HEATR5A: variants seen among roughly 807,000 people sequenced by gnomAD.
HEATR5A encodes HEAT repeat containing 5A.
HEATR5A carries 178 observed loss-of-function variants against 218.8 expected under a neutral mutation model. The observed-to-expected ratio is 0.81, with a 90% CI of 0.72 to 0.92. HEATR5A has a LOEUF of 0.92. HEATR5A is among the 40% of genes least tolerant of loss of function. The pLI, the probability that HEATR5A is intolerant of heterozygous loss-of-function variation, is 0.00. For missense variants in HEATR5A, 2,420 were observed against 2,418.9 expected (o/e 1.00, Z -0.01); for synonymous variants, 864 against 871.6 (o/e 0.99, Z 0.15).
chr14:31,323,657 C>T lies in HEATR5A; in HGVS notation c.3695G>A (p.Cys1232Tyr), dbSNP rs1299402805. Residue 1232 changes from cysteine to tyrosine, a missense_variant, in exon 24 of 36, where the codon TGT becomes TAT. Cys to Tyr is a radical substitution (Grantham distance 194). Coordinates refer to ENST00000543095, the MANE Select transcript of HEATR5A (RefSeq NM_015473.4). The part of the protein sequence containing the change: ...RWATRVFAAE[C>Y]VCRIINQCEN... ...ACATTGGTTAATTATCCTACAGACA[C>T]ATTCAGCAGCAAAGACTCTAGTAGC... is the stretch of plus-strand genomic sequence containing the variant. The T allele has an allele frequency of 1.3e-5, 21 of 1,613,342 alleles. No homozygotes were observed. Among genetic ancestry groups the T allele is most frequent in the Non-Finnish European group, 1.7e-5 (20 of 1,179,568 alleles).
chr14:31,306,485 C>CTAAATAAA (rs552825546), intron 31 of HEATR5A, among the ~76,000 whole-genome samples: 32 of 151,434 alleles, frequency 2.1e-4, no homozygotes, highest in African/African-American at 6.6e-4. Context: ...CCTTGTCTCA[C>CTAAATAAA]TAAATAAATA....
chr14:31,318,559 C>T (rs1233864442), intron 25 of HEATR5A, among the ~76,000 whole-genome samples: 4 of 152,270 alleles, frequency 2.6e-5, no homozygotes, highest in South Asian at 4.1e-4. Flanking sequence ...GGCGCAATCT[C>T]GGCTCACTAC....
intron 25 of HEATR5A, chr14:31,320,575 A>AC: frequency 1.2e-6 from 1 of 811,078 alleles, no homozygotes; most frequent in East Asian, 2.6e-5. Context: ...GCCTGATTAG[A>AC]CCCCTGGTAC....
chr14:31,312,462 G>C (rs1899788245), intron 28 of HEATR5A, among the ~76,000 whole-genome samples: 1 of 150,840 alleles, frequency 6.6e-6, no homozygotes, highest in Non-Finnish European at 1.5e-5. Flanking sequence ...ACCTAGGCTG[G>C]AGTGCAGTGG....
chr14:31,387,242 C>T lies in HEATR5A; in HGVS notation c.1067G>A (p.Cys356Tyr), dbSNP rs748191383. ...KATQTQIDAV[C>Y]CRRCVSFILR... ...AATAAATGAAACACAACGGCGACAG[C>T]AGACGGCATCGATCTGAGTTTGGGT... Residue 356 changes from cysteine to tyrosine, a missense_variant, in exon 8 of 36, where the codon TGC becomes TAC. Transcript: ENST00000543095. 3 of 1,613,924 alleles carry T rather than the reference C, an allele frequency of 1.9e-6. No homozygotes were observed. The highest frequency in any genetic ancestry group is 2.2e-5 in the East Asian group (1 of 44,878).
At chr14:31,384,246 C>T (rs2030113055) in intron 9 of HEATR5A, among the ~76,000 whole-genome samples, 1 of 152,004 alleles carries the variant, frequency 6.6e-6, no homozygotes, top group Admixed American at 6.6e-5. Flanking sequence ...AGTTTGAGAC[C>T]AGTCTGGGCA....
Position 31,349,910 on chromosome 14 carries a change from C to T in HEATR5A, c.2587G>A (p.Gly863Arg), listed in dbSNP as rs369224778. ...AAGGGGTTGGGGCTTTCTAGGGCTC[C>T]CATAACTAATGTTAAGGCAAATCTT... The part of the protein sequence containing the change: ...MKRFALTLVM[G>R]ALESPNPLLR... Residue 863 changes from glycine to arginine, a missense_variant, in exon 18 of 36, where the codon GGA becomes AGA. Physicochemically the swap from Gly to Arg is moderately radical, Grantham distance 125. Transcript: ENST00000543095. The T allele has an allele frequency of 1.9e-6, 3 of 1,611,462 alleles. No individual in the cohort carries two copies. The East Asian group carries it at 6.7e-5, about 36-fold the overall frequency.
chr14:31,320,392 A>G, intron 25 of HEATR5A: 1 of 1,043,908 alleles, frequency 9.6e-7, no homozygotes, highest in Non-Finnish European at 1.5e-6. Context: ...CAGCCCCTGA[A>G]TCAGCCACAC....
In HEATR5A at chr14:31,359,034, C is replaced by G; in HGVS notation, c.2095G>C (p.Glu699Gln). 1 of 1,590,978 alleles carries G rather than the reference C, an allele frequency of 6.3e-7. No homozygotes were observed. Among genetic ancestry groups the G allele is most frequent in the African/African-American group, 1.4e-5 (1 of 73,412 alleles). The change falls in exon 15 of 36, where the codon GAG becomes CAG. Residue 699 changes from glutamate to glutamine, a missense_variant. By Grantham distance (29) the Glu-to-Gln change is conservative. Transcript: ENST00000543095. The part of the protein sequence containing the change: ...YEGNLCAILR[E>Q]LAADLTAPDI... ...GGGGCAGTCAAGTCAGCAGCCAGCT[C>G]TCTGAGGATAGCACAGAGGTTTCCT...
chr14:31,310,967 G>A (rs554777492), intron 28 of HEATR5A, among the ~76,000 whole-genome samples: 1 of 152,036 alleles, frequency 6.6e-6, no homozygotes, highest in East Asian at 1.9e-4. Context: ...TTGCTCCTGT[G>A]AACAGTCATT....
chr14:31,418,809 T>A (rs2031542170), intron 1 of HEATR5A, among the ~76,000 whole-genome samples: 1 of 152,200 alleles, frequency 6.6e-6, no homozygotes, highest in African/African-American at 2.4e-5. Context: ...TTTTAGAATT[T>A]AAAAAATTCA....
chr14:31,358,058 G>T (rs1407526066), intron 16 of HEATR5A, among the ~76,000 whole-genome samples: 1 of 152,162 alleles, frequency 6.6e-6, no homozygotes, highest in Non-Finnish European at 1.5e-5. Flanking sequence ...GCATGTGAGG[G>T]ATCTAGGTTG....
intron 31 of HEATR5A, 125 bp downstream of exon 31, chr14:31,306,607 A>G (rs971603318): frequency 5.2e-6 from 5 of 969,782 alleles, no homozygotes; most frequent in Non-Finnish European, 7.2e-6. Context: ...AAATAAGGCC[A>G]TGCCTAGACA....
At chr14:31,305,653 T>C (rs1279538830) in intron 31 of HEATR5A, among the ~76,000 whole-genome samples, 2 of 152,196 alleles carry the variant, frequency 1.3e-5, no homozygotes, top group African/African-American at 4.8e-5. Context: ...TATTATGACT[T>C]CCTATTGCAA....
intron 25 of HEATR5A, chr14:31,320,720 T>C (rs1900070073): frequency 2.7e-6 from 1 of 369,604 alleles, no homozygotes; most frequent in South Asian, 2.6e-5. Context: ...ACAAAACACT[T>C]GTTTTTTTAT....
At chr14:31,332,721 C>T (rs994130450) in intron 22 of HEATR5A, among the ~76,000 whole-genome samples, 1 of 152,134 alleles carries the variant, frequency 6.6e-6, no homozygotes, top group African/African-American at 2.4e-5. Flanking sequence ...AAATCAGGCT[C>T]AGGCCTGTAA....
intron 21 of HEATR5A, among the ~76,000 whole-genome samples, chr14:31,339,951 G>T (rs1319656993): frequency 6.6e-6 from 1 of 152,090 alleles, no homozygotes; most frequent in African/African-American, 2.4e-5. Flanking sequence ...ATACAAAGCA[G>T]GTGCAGCATT....
chr14:31,334,599 A>C (rs1394911160), intron 22 of HEATR5A: 2 of 347,636 alleles, frequency 5.8e-6, no homozygotes, highest in African/African-American at 4.3e-5. Context: ...TTACAGAGTA[A>C]TCTTTCATGA....
At chr14:31,410,250 CTA>C (rs2031227765) in intron 1 of HEATR5A, among the ~76,000 whole-genome samples, 1 of 152,136 alleles carries the variant, frequency 6.6e-6, no homozygotes, top group Non-Finnish European at 1.5e-5. Context: ...TCAACTCACC[CTA>C]TAGTCTTAGT....
Sources: allele counts gnomAD v4.1 joint callset (sites outside exome capture counted in the v4.1 genomes callset), GRCh38; gene constraint gnomAD v4.1.1; transcripts MANE v1.5; gene names NCBI Gene and HGNC (gene_info 2026-07-23, HGNC 2026-07-21).